Variants in PRKAR1B observed in about 807,000 individuals in gnomAD.
PRKAR1B encodes the protein cAMP-dependent protein kinase type I-beta regulatory subunit.
PRKAR1B carries 22 observed loss-of-function variants against 46.5 expected under a neutral mutation model. That is an observed-to-expected ratio of 0.47 (90% CI 0.34 to 0.68). The LOEUF (loss-of-function observed/expected upper bound fraction) is 0.68. Ranked by LOEUF, PRKAR1B falls within the 30% of genes least tolerant of loss-of-function variation. The pLI, the probability that PRKAR1B is intolerant of heterozygous loss-of-function variation, is 0.01. For missense variants in PRKAR1B, 445 were observed against 535.6 expected (o/e 0.83, Z 1.67); for synonymous variants, 259 against 217.7 (o/e 1.19, Z -1.67).
At chr7:637,111 C>A (rs1337523933) in intron 4 of PRKAR1B, among the ~76,000 whole-genome samples, 1 of 152,146 alleles carries the variant, frequency 6.6e-6, no homozygotes, top group Non-Finnish European at 1.5e-5. Context: ...CACCGCGAAA[C>A]CCCATCTCTA....
chr7:579,479 C>T (rs1396629003), intron 8 of PRKAR1B, 102 bp from the exon 9 acceptor site: 3 of 1,427,706 alleles, frequency 2.1e-6, no homozygotes, highest in South Asian at 1.3e-5. Context: ...TCCTCAGAAG[C>T]AATCACAACA....
chr7:680,448 T>G, intron 3 of PRKAR1B, 108 bp downstream of exon 3: 2 of 1,148,444 alleles, frequency 1.7e-6, no homozygotes, highest in Admixed American at 3.0e-5. Flanking sequence ...AGGATGACAC[T>G]GAGACCCCCA....
chr7:715,905 T>G (rs192431741), intron 1 of PRKAR1B, among the ~76,000 whole-genome samples: 1 of 151,884 alleles, frequency 6.6e-6, no homozygotes, highest in Non-Finnish European at 1.5e-5. Context: ...TTAGTAGAGA[T>G]GGGGTTTCAC....
chr7:585,940 C>T (rs1780569587), intron 7 of PRKAR1B, among the ~76,000 whole-genome samples: 4 of 152,128 alleles, frequency 2.6e-5, no homozygotes, highest in Admixed American at 2.0e-4. Flanking sequence ...CAGTGAGCAG[C>T]ATTTACCAGG....
At chr7:554,870 G>A (rs912256417) in intron 9 of PRKAR1B, among the ~76,000 whole-genome samples, 2 of 152,214 alleles carry the variant, frequency 1.3e-5, no homozygotes, top group African/African-American at 4.8e-5. Context: ...CCGGAAGATA[G>A]GGGAGGGCTC....
intron 2 of PRKAR1B, among the ~76,000 whole-genome samples, chr7:706,814 A>C (rs4493817): frequency 0.46 from 69,282 of 151,986 alleles, 16,013 homozygotes; most frequent in Non-Finnish European, 0.47. Context: ...CCCGGACGGC[A>C]CTCCAAGAGC....
intron 4 of PRKAR1B, among the ~76,000 whole-genome samples, chr7:648,906 G>A (rs1207673115): frequency 6.6e-6 from 1 of 152,230 alleles, no homozygotes; most frequent in African/African-American, 2.4e-5. Flanking sequence ...GCTCACACCT[G>A]TAATCCCAGC....
intron 8 of PRKAR1B, among the ~76,000 whole-genome samples, chr7:584,054 C>T (rs369826264): frequency 6.6e-6 from 1 of 152,120 alleles, no homozygotes; most frequent in African/African-American, 2.4e-5. Flanking sequence ...ATGATGGCGG[C>T]GTAGAAAGGG....
intron 2 of PRKAR1B, among the ~76,000 whole-genome samples, chr7:685,011 T>C (rs1263482771): frequency 3.3e-5 from 5 of 151,786 alleles, no homozygotes; most frequent in Admixed American, 6.6e-5. Context: ...CCATCTGCCA[T>C]GAGTTGGATG....
At chr7:706,972 C>T (rs1780363413) in intron 2 of PRKAR1B, among the ~76,000 whole-genome samples, 1 of 152,240 alleles carries the variant, frequency 6.6e-6, no homozygotes, top group East Asian at 1.9e-4. Flanking sequence ...GAGGGGGTGG[C>T]CCAGACCTCA....
chr7:569,551 CA>C (rs925049017), intron 9 of PRKAR1B, among the ~76,000 whole-genome samples: 4 of 152,202 alleles, frequency 2.6e-5, no homozygotes, highest in African/African-American at 4.8e-5. Flanking sequence ...AAAGGGGGGC[CA>C]GGGGGCATGC....
At chr7:699,312 G>A (rs1417897368) in intron 2 of PRKAR1B, among the ~76,000 whole-genome samples, 1 of 152,218 alleles carries the variant, frequency 6.6e-6, no homozygotes, top group Non-Finnish European at 1.5e-5. Context: ...ATGAGATAAA[G>A]TATGCAAAGC....
chr7:640,106 T>A (rs1784310805), intron 4 of PRKAR1B, among the ~76,000 whole-genome samples: 1 of 146,902 alleles, frequency 6.8e-6, no homozygotes, highest in South Asian at 2.1e-4. Context: ...CAGGTTGCAG[T>A]GAGCCGAGAT....
At chr7:576,442 C>A (rs111924907) in intron 9 of PRKAR1B, among the ~76,000 whole-genome samples, 23 of 152,334 alleles carry the variant, frequency 1.5e-4, no homozygotes, top group Non-Finnish European at 3.1e-4. Context: ...ACGGCTCCCC[C>A]GCAAGGACCC....
At chr7:569,025 T>G (rs918377809) in intron 9 of PRKAR1B, among the ~76,000 whole-genome samples, 23 of 139,622 alleles carry the variant, frequency 1.6e-4, no homozygotes, top group East Asian at 4.2e-4. Context: ...TTTTTTTTGG[T>G]GGGGGAGAGG....
intron 1 of PRKAR1B, among the ~76,000 whole-genome samples, chr7:722,496 C>T (rs1351196763): frequency 6.6e-6 from 1 of 151,414 alleles, no homozygotes; most frequent in Non-Finnish European, 1.5e-5. Context: ...CTTGGCCTCA[C>T]AAAGTGCTGG....
At chr7:635,820 C>T (rs1784018535) in intron 4 of PRKAR1B, among the ~76,000 whole-genome samples, 1 of 152,050 alleles carries the variant, frequency 6.6e-6, no homozygotes, top group African/African-American at 2.4e-5. Context: ...AGCTCCGACA[C>T]TTACTAGCTG....
intron 9 of PRKAR1B, among the ~76,000 whole-genome samples, chr7:572,594 T>TTC (rs1554284823): frequency 6.6e-6 from 1 of 151,932 alleles, no homozygotes; most frequent in Non-Finnish European, 1.5e-5. Context: ...GGGGCTGGGG[T>TTC]CCCCACACCT....
At chr7:614,954 G>A (rs192246811) in intron 4 of PRKAR1B, among the ~76,000 whole-genome samples, 148 of 152,266 alleles carry the variant, frequency 9.7e-4, no homozygotes, top group African/African-American at 3.2e-3. Flanking sequence ...GCATGCACCT[G>A]TGGTCCCAGC....
Sources: allele counts gnomAD v4.1 joint callset (sites outside exome capture counted in the v4.1 genomes callset), GRCh38; gene constraint gnomAD v4.1.1; transcripts MANE v1.5; gene names NCBI Gene and HGNC (gene_info 2026-07-23, HGNC 2026-07-21).